ZNF839: variants seen among roughly 807,000 people sequenced by gnomAD.
ZNF839 encodes zinc finger protein 839, also known as renal carcinoma antigen NY-REN-50.
In ZNF839, 38 loss-of-function variants were observed where a neutral mutation model predicts 56.4. The observed-to-expected ratio is 0.67, with a 90% confidence interval of 0.52 to 0.88. The LOEUF (loss-of-function observed/expected upper bound fraction) is 0.88, where lower values mean the gene tolerates loss of function less well. Among genes scored for constraint, ZNF839 ranks in the 40% least tolerant of loss-of-function variants. The pLI, the probability that ZNF839 is intolerant of heterozygous loss-of-function variation, is 0.00. For missense variants in ZNF839, 1,091 were observed against 1,177.6 expected (o/e 0.93, Z 1.08); for synonymous variants, 486 against 493.5 (o/e 0.98, Z 0.20).
intron 2 of ZNF839, among the ~76,000 whole-genome samples, chr14:102,328,375 A>AAAAAATATATATATATAT (rs1197718891): frequency 1.2e-4 from 2 of 16,324 alleles, no homozygotes; most frequent in African/African-American, 1.7e-4. Context: ...AAAAAAAAAA[A>AAAAAATATATATATATAT]ATATATATAT....
At position 102,339,112 on chromosome 14, in the gene ZNF839, G is replaced by A; in HGVS notation, c.1816G>A (p.Ala606Thr). The change falls in exon 7 of 8, where the codon GCC (alanine) becomes ACC (threonine). Residue 606 changes from alanine (A) to threonine (T), a missense_variant. Ala to Thr is a moderately conservative substitution (Grantham distance 58). This residue lies in a region of ZNF839 where 431 missense variants were observed against 468.0 expected (regional missense o/e 0.92). Coordinates refer to ENST00000442396, the MANE Select transcript of ZNF839 (RefSeq NM_018335.6). Reference protein sequence around the residue: ...REREAAEEGLASVKRPRREAL... With the variant: ...REREAAEEGLTSVKRPRREAL... ...TTCACAGGCTGCGGAGGAGGGACTG[G>A]CCTCAGTGAAAAGGCCCAGAAGAGA... 1 of 1,613,774 alleles carries A rather than the reference G, an allele frequency of 6.2e-7. No homozygotes were observed. The highest frequency in any genetic ancestry group is 8.5e-7 in the Non-Finnish European group (1 of 1,179,770).
intron 4 of ZNF839, chr14:102,335,443 AC>A (rs2073973175): frequency 2.3e-6 from 1 of 438,018 alleles, no homozygotes; most frequent in Non-Finnish European, 4.1e-6. Flanking sequence ...CCAGGAGCTC[AC>A]CCATGCCCTA....
chr14:102,341,266 A>G, intron 7 of ZNF839, 57 bp from the exon 8 acceptor site: 4 of 1,466,350 alleles, frequency 2.7e-6, no homozygotes, highest in Non-Finnish European at 3.6e-6. Flanking sequence ...TGGTGAGTGC[A>G]GTGAGTGGGC....
Position 102,338,914 on chromosome 14 carries a change from G to A in ZNF839, c.1758G>A (p.Glu586=). The A allele has an allele frequency of 6.2e-7, 1 of 1,614,000 alleles. No individual in the cohort carries two copies. The highest frequency in any genetic ancestry group is 8.5e-7 in the Non-Finnish European group (1 of 1,179,898). The change falls in exon 6 of 8, where the codon GAG becomes GAA. Residue 586 remains glutamate (E), a synonymous_variant. Transcript: ENST00000442396. The stretch of plus-strand genomic sequence containing the variant: ...ACCTCAGCCGAGACATGGATGGGGA[G>A]CAGCTAGAGGGAGCTAGCAGCGAGA... ...PKHLSRDMDG[E]QLEGASSEKR...
Position 102,326,594 on chromosome 14 carries a change from C to T in ZNF839, c.898C>T (p.Leu300Phe), listed in dbSNP as rs2073421633. Residue 300 changes from leucine to phenylalanine, a missense_variant, in exon 2 of 8, where the codon CTC (leucine) becomes TTC (phenylalanine). Leu to Phe is a conservative substitution (Grantham distance 22). This residue lies in a region of ZNF839 where 614 missense variants were observed against 629.2 expected (regional missense o/e 0.98). Transcript: ENST00000442396. This position sits in a 1 kb window ranked among gnomAD's most constrained non-coding sequence, Gnocchi z 4.3. ...TGAAGATCAGAGGGAGAGGCACGCA[C>T]TCTTTGACTTATCGAGCTGCTCCCT... ...EDEDQRERHA[L>F]FDLSSCSLRP... 7 of 1,613,798 alleles carry T rather than the reference C, an allele frequency of 4.3e-6. No homozygotes were observed. The highest frequency in any genetic ancestry group is 5.1e-6 in the Non-Finnish European group (6 of 1,179,878).
intron 1 of ZNF839, among the ~76,000 whole-genome samples, chr14:102,324,949 CAAAAG>C (rs1044537513): frequency 4.6e-5 from 7 of 151,950 alleles, no homozygotes; most frequent in South Asian, 4.2e-4. Context: ...GGGTCCGTCT[CAAAAG>C]AAAAAGAAAA....
At chr14:102,333,261 CTTTTTT>C (rs58231229) in intron 3 of ZNF839, among the ~76,000 whole-genome samples, 1 of 125,342 alleles carries the variant, frequency 8.0e-6, no homozygotes, top group Admixed American at 8.2e-5. Context: ...AAATGCCAAT[CTTTTTT>C]TTTTTTTTTT....
In ZNF839 at chr14:102,339,190, G is replaced by A. The variant is rs375532380; in HGVS notation, c.1894G>A (p.Glu632Lys). ...ESLAANSRGR[E>K]KPRPLHALAA... ...TCTTGCTGCCAACAGCAGAGGCCGG[G>A]AGAAGCCCAGGCCCTTGCATGCTTT... Residue 632 changes from glutamate (E) to lysine (K), a missense_variant, in exon 7 of 8, where the codon GAG becomes AAG. By Grantham distance (56) the Glu-to-Lys change is moderately conservative. Coordinates refer to ENST00000442396, the MANE Select transcript of ZNF839 (RefSeq NM_018335.6). 2.5e-6 allele frequency: 4 copies of A among 1,612,164 alleles called. No individual in the cohort carries two copies. Among genetic ancestry groups the A allele is most frequent in the African/African-American group, 2.7e-5 (2 of 75,054 alleles).
chr14:102,326,055 C>CG lies in ZNF839; in HGVS notation c.360dup (p.Thr121AspfsTer48), dbSNP rs1567285097. The CG allele has an allele frequency of 1.2e-6, 2 of 1,613,602 alleles. No individual in the cohort carries two copies. Among genetic ancestry groups the CG allele is most frequent in the Non-Finnish European group, 1.7e-6 (2 of 1,179,746 alleles). On this transcript the variant is annotated frameshift_variant, in exon 2 of 8. Transcript: ENST00000442396. LOFTEE classifies it high-confidence loss of function. This position sits in a 1 kb window ranked among gnomAD's most constrained non-coding sequence, Gnocchi z 4.3. ...GGTCAGGAAAGGCCAATGCTCCTACCGACCACAATCCAGCCCCAAACTGCA... is the reference window on the plus strand; with the variant it reads ...GGTCAGGAAAGGCCAATGCTCCTACCGGACCACAATCCAGCCCCAAACTGCA...
rs1886576834 is a variant in ZNF839 at position 102,341,956 on chromosome 14, A to C, written c.2561A>C (p.His854Pro). 3 of 1,613,836 alleles carry C rather than the reference A, an allele frequency of 1.9e-6. No individual in the cohort carries two copies. The highest frequency in any genetic ancestry group is 1.7e-6 in the Non-Finnish European group (2 of 1,179,890). Residue 854 changes from histidine to proline, a missense_variant, in exon 8 of 8, where the codon CAC (histidine) becomes CCC (proline). This residue lies in a region of ZNF839 where 431 missense variants were observed against 468.0 expected (regional missense o/e 0.92). Coordinates refer to ENST00000442396, the MANE Select transcript of ZNF839 (RefSeq NM_018335.6). ...LNRFPCGMEV[H>P]SGQRELESVV... ...CGGTTCCCCTGTGGGATGGAGGTGC[A>C]CTCTGGCCAGAGAGAACTGGAGAGC... is the stretch of plus-strand genomic sequence containing the variant.
chr14:102,322,229 T>C (rs918677182), intron 1 of ZNF839, among the ~76,000 whole-genome samples: 2 of 152,210 alleles, frequency 1.3e-5, no homozygotes, highest in African/African-American at 4.8e-5. Context: ...TCTGCATTCC[T>C]TAGGGAAGCT....
chr14:102,342,218 G>A lies in ZNF839; in HGVS notation c.*39G>A, dbSNP rs1392343010. The A allele has an allele frequency of 2.3e-5, 16 of 703,200 alleles. No individual in the cohort carries two copies. Among genetic ancestry groups the A allele is most frequent in the Admixed American group, 3.1e-5 (1 of 32,034 alleles). 43.6% of individuals were successfully genotyped at this position (703,200 alleles called of 1,614,324 possible). On this transcript the variant is annotated 3_prime_UTR_variant, in exon 8 of 8. Transcript: ENST00000442396. The stretch of plus-strand genomic sequence containing the variant: ...AGAAGCTGTGGAGTCGGTCGTCACC[G>A]TGGAGCCAGAGCCCTCACAGTGAAG...
At chr14:102,321,071 G>A (rs2073103826) in intron 1 of ZNF839, among the ~76,000 whole-genome samples, 2 of 152,194 alleles carry the variant, frequency 1.3e-5, no homozygotes, top group East Asian at 3.8e-4. Flanking sequence ...AGACTGGAGA[G>A]TTGTCTTGCT....
At position 102,341,810 on chromosome 14, in the gene ZNF839, T is replaced by C. The variant is rs1006124867; in HGVS notation, c.2415T>C (p.Ser805=). Residue 805 remains serine (S), a synonymous_variant, in exon 8 of 8, where the codon TCT becomes TCC. Coordinates refer to ENST00000442396, the MANE Select transcript of ZNF839 (RefSeq NM_018335.6). ...CCCCTCCGCTTGAGAAAATTTTGTC[T>C]GTGGATAGCGTGGCAGTGGACTGTG... ...VAAPPLEKIL[S]VDSVAVDCAY... is the part of the protein sequence containing the mutation. 5 of 1,613,922 alleles carry C rather than the reference T, an allele frequency of 3.1e-6. No homozygotes were observed. In the African/African-American group the frequency reaches 5.3e-5, roughly 17 times the overall value.
At chr14:102,334,085 T>C (rs1867157127) in intron 3 of ZNF839, among the ~76,000 whole-genome samples, 1 of 152,224 alleles carries the variant, frequency 6.6e-6, no homozygotes, top group South Asian at 2.1e-4. Flanking sequence ...CCCCATCCTC[T>C]GCACCACCAC....
chr14:102,339,440 C>T (rs1886240983), intron 7 of ZNF839, among the ~76,000 whole-genome samples: 1 of 152,102 alleles, frequency 6.6e-6, no homozygotes, highest in Admixed American at 6.6e-5. Flanking sequence ...TTCTAGAGTG[C>T]CTTGTTAAAA....
intron 2 of ZNF839, among the ~76,000 whole-genome samples, chr14:102,329,402 ATTTTT>A (rs1285615808): frequency 6.7e-6 from 1 of 148,508 alleles, no homozygotes; most frequent in East Asian, 2.0e-4. Flanking sequence ...TTATTTATTT[ATTTTT>A]TCAGTCTGAC....
chr14:102,341,359 G>C lies in ZNF839; in HGVS notation c.1964G>C (p.Arg655Pro). The C allele has an allele frequency of 6.5e-7, 1 of 1,530,054 alleles. No individual in the cohort carries two copies. Among genetic ancestry groups the C allele is most frequent in the East Asian group, 2.3e-5 (1 of 44,202 alleles). 94.8% of individuals were successfully genotyped at this position (1,530,054 alleles called of 1,614,324 possible). A position where few individuals can be genotyped will look rare whatever the true frequency, so the allele number is the denominator to read the frequency against. Residue 655 changes from arginine to proline, a missense_variant, in exon 8 of 8, where the codon CGT (arginine) becomes CCT (proline). Physicochemically the swap from Arg to Pro is moderately radical, Grantham distance 103 (BLOSUM62 -2). Transcript: ENST00000442396. ...SPPVNVTVSP[R>P]SEESHTTTVS... ...CCAGTAAATGTGACTGTCTCTCCCC[G>C]TTCTGAAGAAAGCCATACAACGACG...
In ZNF839 at chr14:102,342,305, A is replaced by G. The variant is rs916929009; in HGVS notation, c.*126A>G. 3.1e-5 allele frequency: 38 copies of G among 1,234,358 alleles called. No homozygotes were observed. The highest frequency in any genetic ancestry group is 4.7e-5 in the Admixed American group (2 of 42,154). The allele number at this position is 1,234,358 out of a possible 1,614,324, so 76.5% of individuals were successfully genotyped here. A position where few individuals can be genotyped will look rare whatever the true frequency, so the allele number is the denominator to read the frequency against. ...AGAAGGTCTATGGCAAGCAATGTAT[A>G]TTTTTCTAATGTGAATATTGCACAG... On this transcript the variant is annotated 3_prime_UTR_variant, in exon 8 of 8. Transcript: ENST00000442396.
Sources: gnomAD v4.1 joint callset for allele counts (sites outside exome capture counted in the v4.1 genomes callset) on GRCh38, gnomAD v4.1.1 for gene constraint, gnomAD v4.1.1 regional missense constraint, Gnocchi (gnomAD v3.1) non-coding constraint, MANE v1.5 for transcripts, NCBI Gene and HGNC (gene_info 2026-07-23, HGNC 2026-07-21) for gene names.